Variants in OPCML observed in about 807,000 individuals in gnomAD.
OPCML encodes the protein opioid binding protein/cell adhesion molecule like.
Under a neutral mutation model 37.8 loss-of-function variants are expected in OPCML, and 13 were observed. The observed-to-expected ratio is 0.34, with a 90% confidence interval of 0.22 to 0.55. The LOEUF is 0.55. Ranked by LOEUF, OPCML falls within the 20% of genes least tolerant of loss-of-function variation. OPCML has a pLI of 0.91. For synonymous variants in OPCML, 176 were observed against 168.8 expected, an observed-to-expected ratio of 1.04 and a Z score of -0.33; for missense variants, 341 against 435.6, an observed-to-expected ratio of 0.78 and a Z score of 1.93.
chr11:132,644,385 G>A (rs184304747), intron 3 of OPCML, among the ~76,000 whole-genome samples: 1 of 152,140 alleles, frequency 6.6e-6, no homozygotes, highest in East Asian at 1.9e-4. Context: ...GGACTCCCAG[G>A]GGACGCATGG....
intron 1 of OPCML, among the ~76,000 whole-genome samples, chr11:133,120,246 G>A (rs141727918): frequency 3.3e-5 from 5 of 152,136 alleles, no homozygotes; most frequent in African/African-American, 7.2e-5. Context: ...ATACACACAC[G>A]CACACACATT....
intron 1 of OPCML, among the ~76,000 whole-genome samples, chr11:133,048,539 T>C (rs1191662646): frequency 6.6e-6 from 1 of 152,200 alleles, no homozygotes; most frequent in African/African-American, 2.4e-5. Context: ...GTATTGCAGG[T>C]TAATTAATCT....
At chr11:133,461,292 T>A (rs1470777732) in intron 1 of OPCML, among the ~76,000 whole-genome samples, 1 of 151,898 alleles carries the variant, frequency 6.6e-6, no homozygotes, top group South Asian at 2.1e-4. Flanking sequence ...TTATCTTTGG[T>A]TGTCGATGAC....
chr11:133,138,393 C>T (rs561296703), intron 1 of OPCML, among the ~76,000 whole-genome samples: 88 of 152,286 alleles, frequency 5.8e-4, no homozygotes, highest in African/African-American at 2.1e-3. Context: ...TACCTCTGTT[C>T]AATCAAGGTA....
chr11:132,483,716 G>C (rs1288597383), intron 4 of OPCML, among the ~76,000 whole-genome samples: 2 of 151,960 alleles, frequency 1.3e-5, no homozygotes, highest in African/African-American at 2.4e-5. Context: ...TACCAAAACA[G>C]AGATATAGAT....
intron 1 of OPCML, chr11:133,004,646 G>C: frequency 3.0e-6 from 3 of 985,448 alleles, no homozygotes; most frequent in Non-Finnish European, 3.6e-6. Flanking sequence ...ACAGCTGCTC[G>C]GGAGGCCAGC....
Position 132,694,179 on chromosome 11 carries a change from CTTTTTTTTTTTTTTTTTTTTTT to C in OPCML, c.147-36882_147-36861del, listed in dbSNP as rs1162305568. On this transcript the variant is annotated intron_variant, in intron 2 of 7. Transcript: ENST00000524381. ...GAGTTTCGTTCTGTGAAATCAATGT[CTTTTTTTTTTTTTTTTTTTTTT>C]TTTTTTTTTTTTTTTTAAGACGGAA... Among the ~76,000 whole-genome samples the C allele has an allele frequency of 2.1e-4, 9 of 43,016 alleles. No individual in the cohort carries two copies. In the East Asian group the frequency reaches 4.0e-3, roughly 19 times the overall value. The allele number at this position is 43,016 out of a possible 152,430, so 28.2% of individuals were successfully genotyped here. A position where few individuals can be genotyped will look rare whatever the true frequency, so the allele number is the denominator to read the frequency against.
chr11:132,738,855 C>T (rs1017983744), intron 2 of OPCML, among the ~76,000 whole-genome samples: 1 of 152,160 alleles, frequency 6.6e-6, no homozygotes, highest in Non-Finnish European at 1.5e-5. Flanking sequence ...TTGTATTGAA[C>T]TCTCAGAAAG....
chr11:133,372,686 T>A (rs951574309), intron 1 of OPCML, among the ~76,000 whole-genome samples: 4 of 152,208 alleles, frequency 2.6e-5, no homozygotes, highest in African/African-American at 9.7e-5. Flanking sequence ...TATCATTATA[T>A]TAGGTTAACC....
Position 132,563,494 on chromosome 11 carries a change from C to T in OPCML, c.380-34308G>A, listed in dbSNP as rs150834692. Reference sequence around the variant, plus strand: ...TCATTCATGGGAATGGGCTTTTGGACGGGCTGATGGAAATGTTTTGCAACT... The same window carrying T: ...TCATTCATGGGAATGGGCTTTTGGATGGGCTGATGGAAATGTTTTGCAACT... On this transcript the variant is annotated intron_variant, in intron 3 of 7. Transcript: ENST00000524381. Among the ~76,000 whole-genome samples, 518 of 151,690 alleles carry T rather than the reference C, an allele frequency of 3.4e-3. 4 individuals carry two copies. Among genetic ancestry groups the T allele is most frequent in the African/African-American group, 0.012 (481 of 41,336 alleles).
At chr11:133,327,275 G>C (rs1943497077) in intron 1 of OPCML, among the ~76,000 whole-genome samples, 1 of 151,772 alleles carries the variant, frequency 6.6e-6, no homozygotes. Flanking sequence ...TGAGGGGTTA[G>C]GAAGTGTTTT....
At position 133,228,666 on chromosome 11, in the gene OPCML, C is replaced by A. The variant is rs368711830; in HGVS notation, c.62-285656G>T. ...TGGGCTGCCCCTCCTACTGCTCTCG[C>A]TGCCAGGCAGCTTGGGGCCTCCCAC... On this transcript the variant is annotated intron_variant, in intron 1 of 7. Coordinates refer to ENST00000524381, the MANE Select transcript of OPCML (RefSeq NM_001012393.5). Among the ~76,000 whole-genome samples, 16 of 152,382 alleles carry A rather than the reference C, an allele frequency of 1.0e-4. No homozygotes were observed. The South Asian group carries it at 3.3e-3, about 32-fold the overall frequency.
At chr11:132,646,612 G>A (rs145564380) in intron 3 of OPCML, among the ~76,000 whole-genome samples, 125 of 152,276 alleles carry the variant, frequency 8.2e-4, no homozygotes, top group African/African-American at 3.0e-3. Context: ...TTGTGGGAAC[G>A]GAAAGGGAGA....
chr11:133,515,455 A>G (rs962657432), intron 1 of OPCML, among the ~76,000 whole-genome samples: 4 of 152,220 alleles, frequency 2.6e-5, no homozygotes, highest in Non-Finnish European at 5.9e-5. Context: ...GGAAATTCAC[A>G]TAACAAAGAA....
chr11:132,530,844 C>T (rs2096323144), intron 3 of OPCML, among the ~76,000 whole-genome samples: 1 of 152,150 alleles, frequency 6.6e-6, no homozygotes, highest in Non-Finnish European at 1.5e-5. Flanking sequence ...AGCATCAGCA[C>T]TCCTATAACT....
At chr11:133,444,943 C>T (rs1243803081) in intron 1 of OPCML, among the ~76,000 whole-genome samples, 3 of 144,868 alleles carry the variant, frequency 2.1e-5, no homozygotes, top group Admixed American at 2.0e-4. Context: ...GGATGGAGAC[C>T]ACCATACCCC....
chr11:133,195,594 A>C (rs149552753), intron 1 of OPCML, among the ~76,000 whole-genome samples: 17 of 152,342 alleles, frequency 1.1e-4, no homozygotes, highest in African/African-American at 4.1e-4. Context: ...AAACATCTCC[A>C]TGGTATCTGT....
intron 1 of OPCML, among the ~76,000 whole-genome samples, chr11:133,055,158 C>T (rs575283043): frequency 2.0e-4 from 30 of 147,444 alleles, no homozygotes; most frequent in Admixed American, 8.0e-4. Context: ...ATGAGGGAGC[C>T]GCCTCTACCA....
intron 7 of OPCML, chr11:132,435,053 A>G (rs1206609558): frequency 5.3e-6 from 3 of 560,900 alleles, no homozygotes; most frequent in African/African-American, 3.9e-5. Flanking sequence ...CCTCAGAGAC[A>G]TAAATTACAG....
Sources: gnomAD v4.1 joint callset for allele counts (sites outside exome capture counted in the v4.1 genomes callset) on GRCh38, gnomAD v4.1.1 for gene constraint, MANE v1.5 for transcripts, NCBI Gene and HGNC (gene_info 2026-07-23, HGNC 2026-07-21) for gene names.